CD34: variants seen among roughly 807,000 people sequenced by gnomAD.
CD34 encodes the protein hematopoietic progenitor cell antigen CD34.
Under a neutral mutation model 40.1 loss-of-function variants are expected in CD34, and 34 were observed. The ratio of observed to expected loss-of-function variants is 0.85; its 90% CI spans 0.65 to 1.13. The LOEUF (loss-of-function observed/expected upper bound fraction) is 1.13. CD34 is among the 50% of genes most tolerant of loss of function. The pLI, the probability that CD34 is intolerant of heterozygous loss-of-function variation, is 0.00. For synonymous variants in CD34, 209 were observed against 190.0 expected, an observed-to-expected ratio of 1.10 and a Z score of -0.82; for missense variants, 426 against 466.9, an observed-to-expected ratio of 0.91 and a Z score of 0.81.
chr1:207,890,354 G>A (rs1662006629), intron 4 of CD34: 1 of 407,642 alleles, frequency 2.5e-6, no homozygotes, highest in Non-Finnish European at 3.3e-6. Flanking sequence ...CCCTGAACAG[G>A]AAAGGAATTG....
chr1:207,899,829 T>C lies in CD34; in HGVS notation c.254A>G (p.Asn85Ser). The C allele has an allele frequency of 6.2e-7, 1 of 1,609,620 alleles. No homozygotes were observed. Residue 85 changes from asparagine to serine, a missense_variant, in exon 2 of 8, where the codon AAC (asparagine) becomes AGC (serine). Coordinates refer to ENST00000310833, the MANE Select transcript of CD34 (RefSeq NM_001025109.2). ...VSQHGNEATT[N>S]ITETTVKFTS... ...ACAAATGCTGTTTTTACCTGTGATG[T>C]TTGTTGTGGCCTCATTGCCATGTTG...
Position 207,888,841 on chromosome 1 carries a change from C to T in CD34, c.813G>A (p.Gly271=). 6.2e-7 allele frequency: 1 copy of T among 1,613,954 alleles called. No homozygotes were observed. Among genetic ancestry groups the T allele is most frequent in the Non-Finnish European group, 8.5e-7 (1 of 1,179,904 alleles). The part of the protein sequence containing the change: ...KKHQSDLKKL[G]ILDFTEQDVA... ...CATCTTGCTCAGTGAAATCTAGGAT[C>T]CCCAGCTTGAAAAGAAGACAAAGAA... Residue 271 remains glycine (G), a synonymous_variant, in exon 7 of 8, where the codon GGG becomes GGA. Coordinates refer to ENST00000310833, the MANE Select transcript of CD34 (RefSeq NM_001025109.2).
At chr1:207,903,886 G>A (rs768120335) in intron 1 of CD34, among the ~76,000 whole-genome samples, 1 of 152,140 alleles carries the variant, frequency 6.6e-6, no homozygotes, top group Non-Finnish European at 1.5e-5. Context: ...TTTATGGTAG[G>A]AGTGAATAGG....
Position 207,893,535 on chromosome 1 carries a change from G to A in CD34, c.598-3914C>T, listed in dbSNP as rs981546730. Among the ~76,000 whole-genome samples, 70 of 152,148 alleles carry A rather than the reference G, an allele frequency of 4.6e-4. 1 individual carries two copies. The highest frequency in any genetic ancestry group is 4.1e-3 in the Admixed American group (63 of 15,288). ...CTAACGAAGGATGAGAAGTGAGATC[G>A]TTTCCAGATTGCAGGCTTTTTCCAG... On this transcript the variant is annotated intron_variant, in intron 4 of 7. Transcript: ENST00000310833.
intron 1 of CD34, among the ~76,000 whole-genome samples, chr1:207,906,495 C>T (rs1246822223): frequency 6.6e-6 from 1 of 152,120 alleles, no homozygotes; most frequent in Non-Finnish European, 1.5e-5. Context: ...ATATATAAAC[C>T]AAGGGTCTGT....
At chr1:207,903,664 C>A (rs1174650515) in intron 1 of CD34, among the ~76,000 whole-genome samples, 1 of 152,206 alleles carries the variant, frequency 6.6e-6, no homozygotes, top group Non-Finnish European at 1.5e-5. Flanking sequence ...AAGTCATGCA[C>A]TGAACTTTCA....
chr1:207,899,000 T>A lies in CD34; in HGVS notation c.489A>T (p.Ser163=), dbSNP rs780448744. 4.3e-6 allele frequency: 7 copies of A among 1,614,022 alleles called. No individual in the cohort carries two copies. In the African/African-American group the frequency reaches 9.3e-5, roughly 22 times the overall value. Residue 163 remains serine, a synonymous_variant, in exon 3 of 8, where the codon TCA becomes TCT. Coordinates refer to ENST00000310833, the MANE Select transcript of CD34 (RefSeq NM_001025109.2). ...LATSPTKPYT[S]SSPILSDIKA... The stretch of plus-strand genomic sequence containing the variant: ...TGATGTCACTTAGGATAGGAGAAGA[T>A]GATGTATAGGGTTTAGTGGGAGATG...
chr1:207,902,883 C>T (rs1662302305), intron 1 of CD34, among the ~76,000 whole-genome samples: 1 of 152,206 alleles, frequency 6.6e-6, no homozygotes, highest in Non-Finnish European at 1.5e-5. Context: ...GCAGCTGCAG[C>T]AGCCCCTCCA....
rs1662211091 is a variant in CD34, at chr1:207,898,999, A to C, written c.490T>G (p.Ser164Ala). The change falls in exon 3 of 8, where the codon TCT becomes GCT. Residue 164 changes from serine to alanine, a missense_variant. Transcript: ENST00000310833. ...TTGATGTCACTTAGGATAGGAGAAGATGATGTATAGGGTTTAGTGGGAGAT... is the reference window on the plus strand; with the variant it reads ...TTGATGTCACTTAGGATAGGAGAAGCTGATGTATAGGGTTTAGTGGGAGAT... ...ATSPTKPYTS[S>A]SPILSDIKAE... 1.2e-6 allele frequency: 2 copies of C among 1,614,200 alleles called. No homozygotes were observed. Among genetic ancestry groups the C allele is most frequent in the South Asian group, 2.2e-5 (2 of 91,080 alleles).
At position 207,911,009 on chromosome 1, in the gene CD34, A is replaced by G. The variant is rs1662503302; in HGVS notation, c.72T>C (p.Ser24=). Residue 24 remains serine, a synonymous_variant, in exon 1 of 8, where the codon AGT becomes AGC. Coordinates refer to ENST00000310833, the MANE Select transcript of CD34 (RefSeq NM_001025109.2). The part of the protein sequence containing the change: ...PRGWTALCLL[S]LLPSGFMSLD... ...CGCGCGGGCGGTACTCACGCAGCAA[A>G]CTCAGCAAGCAAAGCGCGGTCCAGC... The G allele has an allele frequency of 5.7e-6, 9 of 1,589,096 alleles. No individual in the cohort carries two copies. Among genetic ancestry groups the G allele is most frequent in the Non-Finnish European group, 7.7e-6 (9 of 1,170,720 alleles).
chr1:207,887,802 C>T lies in CD34; in HGVS notation c.1094G>A (p.Gly365Asp), dbSNP rs757721752. 6.8e-6 allele frequency: 11 copies of T among 1,614,080 alleles called. No individual in the cohort carries two copies. The highest frequency in any genetic ancestry group is 9.3e-6 in the Non-Finnish European group (11 of 1,180,052). ...VNRGAQENGT[G>D]QATSRNGHSA... is the part of the protein sequence containing the mutation. ...ATGGCCGTTTCTGGAGGTGGCCTGG[C>T]CGGTCCCGTTTTCCTGAGCCCCTCG... The change falls in exon 8 of 8, where the codon GGC becomes GAC. Residue 365 changes from glycine to aspartate, a missense_variant. By Grantham distance (94) the Gly-to-Asp change is moderately conservative. Transcript: ENST00000310833.
intron 4 of CD34, among the ~76,000 whole-genome samples, chr1:207,894,393 G>C (rs1159791399): frequency 6.6e-6 from 1 of 152,164 alleles, no homozygotes; most frequent in East Asian, 1.9e-4. Flanking sequence ...CCAGGGTCTG[G>C]GGAGAGCAGG....
intron 1 of CD34, among the ~76,000 whole-genome samples, chr1:207,900,991 A>G (rs1662261233): frequency 7.4e-6 from 1 of 134,262 alleles, no homozygotes; most frequent in Non-Finnish European, 1.6e-5. Flanking sequence ...ATCCTGGGAT[A>G]CATACTTTTT....
At position 207,899,813 on chromosome 1, in the gene CD34, G is replaced by T. The variant is rs762447505; in HGVS notation, c.262+8C>A. 1.9e-6 allele frequency: 3 copies of T among 1,606,368 alleles called. No individual in the cohort carries two copies. Among genetic ancestry groups the T allele is most frequent in the Non-Finnish European group, 2.5e-6 (3 of 1,176,484 alleles). Reference sequence around the variant, plus strand: ...CTCTCCGGGATCTGACACAAATGCTGTTTTTACCTGTGATGTTTGTTGTGG... The same window carrying T: ...CTCTCCGGGATCTGACACAAATGCTTTTTTTACCTGTGATGTTTGTTGTGG... On this transcript the variant is annotated splice_region_variant and intron_variant, in intron 2 of 7. Coordinates refer to ENST00000310833, the MANE Select transcript of CD34 (RefSeq NM_001025109.2).
intron 1 of CD34, among the ~76,000 whole-genome samples, chr1:207,908,824 A>C (rs1662441598): frequency 6.6e-6 from 1 of 152,230 alleles, no homozygotes; most frequent in African/African-American, 2.4e-5. Flanking sequence ...GCCTATGCAC[A>C]TGCCACCTTC....
In CD34 at chr1:207,889,545, C is replaced by G; in HGVS notation, c.674G>C (p.Gly225Ala). The stretch of plus-strand genomic sequence containing the variant: ...AAGGAGCAGGGAGCATACCTGGGCC[C>G]CAGCATCAGCATCAGCCTGCTCCTC... The part of the protein sequence containing the change: ...CGEEQADADA[G>A]AQVCSLLLAQ... Residue 225 changes from glycine (G) to alanine (A), a missense_variant, in exon 5 of 8, where the codon GGG becomes GCG. Coordinates refer to ENST00000310833, the MANE Select transcript of CD34 (RefSeq NM_001025109.2). 6.2e-7 allele frequency: 1 copy of G among 1,614,186 alleles called. No homozygotes were observed. The highest frequency in any genetic ancestry group is 1.6e-4 in the Middle Eastern group (1 of 6,062).
At chr1:207,890,716 A>G (rs1331439822) in intron 4 of CD34, among the ~76,000 whole-genome samples, 1 of 152,198 alleles carries the variant, frequency 6.6e-6, no homozygotes, top group Non-Finnish European at 1.5e-5. Flanking sequence ...TAAGGCCAGG[A>G]GAGTGTGGTT....
chr1:207,910,817 T>A lies in CD34; in HGVS notation c.79+185A>T, dbSNP rs537066920. 5.9e-5 allele frequency among the ~76,000 whole-genome samples: 9 copies of A among 151,730 alleles called. No individual in the cohort carries two copies. In the South Asian group the frequency reaches 1.9e-3, roughly 32 times the overall value. ...CGGGGGTGATGGCCTTCCCTTCCCC[T>A]CCCACCCCCGTCAGCTCCCAGGTGA... is the stretch of plus-strand genomic sequence containing the variant. On this transcript the variant is annotated intron_variant, in intron 1 of 7. Coordinates refer to ENST00000310833, the MANE Select transcript of CD34 (RefSeq NM_001025109.2).
chr1:207,907,399 T>C (rs1262744329), intron 1 of CD34, among the ~76,000 whole-genome samples: 4 of 152,162 alleles, frequency 2.6e-5, no homozygotes, highest in Admixed American at 2.0e-4. Flanking sequence ...CTTCATTTTA[T>C]CATGCTCAGC....
Sources: gnomAD v4.1 joint callset for allele counts (sites outside exome capture counted in the v4.1 genomes callset) on GRCh38, gnomAD v4.1.1 for gene constraint, MANE v1.5 for transcripts, NCBI Gene and HGNC (gene_info 2026-07-23, HGNC 2026-07-21) for gene names.